ARHGAP25: variants seen among roughly 807,000 people sequenced by gnomAD.
ARHGAP25 encodes the protein Rho GTPase activating protein 25.
In ARHGAP25, 34 loss-of-function variants were observed where a neutral mutation model predicts 71.0. The ratio of observed to expected loss-of-function variants is 0.48; its 90% CI spans 0.36 to 0.64. The LOEUF (loss-of-function observed/expected upper bound fraction) is 0.64, where lower values mean the gene tolerates loss of function less well. ARHGAP25 is among the 30% of genes least tolerant of loss of function. The pLI is 0.00. For synonymous variants in ARHGAP25, 282 were observed against 296.5 expected (o/e 0.95, Z 0.50); for missense variants, 706 against 805.1 (o/e 0.88, Z 1.49).
chr2:68,801,752 T>C (rs186160011), intron 4 of ARHGAP25, among the ~76,000 whole-genome samples: 22 of 152,246 alleles, frequency 1.4e-4, no homozygotes, highest in Non-Finnish European at 3.2e-4. Flanking sequence ...TGAATCATCA[T>C]AAAATTACAT....
At chr2:68,804,980 G>A (rs1010993360) in intron 4 of ARHGAP25, among the ~76,000 whole-genome samples, 2 of 152,132 alleles carry the variant, frequency 1.3e-5, no homozygotes, top group Non-Finnish European at 2.9e-5. Context: ...CACAGAGTGC[G>A]GGAAGGATTG....
chr2:68,786,797 T>G (rs1273361822), intron 3 of ARHGAP25, among the ~76,000 whole-genome samples: 1 of 152,218 alleles, frequency 6.6e-6, no homozygotes, highest in Non-Finnish European at 1.5e-5. Context: ...TAGGCACAAC[T>G]ACTCAGCTAG....
chr2:68,756,545 G>C (rs1676492227), intron 1 of ARHGAP25, among the ~76,000 whole-genome samples: 1 of 152,218 alleles, frequency 6.6e-6, no homozygotes, highest in Admixed American at 6.5e-5. Context: ...TATGGGGTAA[G>C]TTGGAAAGAC....
intron 4 of ARHGAP25, among the ~76,000 whole-genome samples, chr2:68,803,020 G>T (rs548145937): frequency 8.6e-4 from 130 of 151,620 alleles, no homozygotes; most frequent in Middle Eastern, 6.8e-3. Flanking sequence ...TATATATATA[G>T]AGAGAGAGAT....
chr2:68,787,718 T>C (rs114218047), intron 3 of ARHGAP25, 122 bp from the exon 4 acceptor site: 10,362 of 764,050 alleles, frequency 0.014, 115 homozygotes, highest in South Asian at 0.026. Flanking sequence ...TGCATTTGTG[T>C]TGTTTGGCTG....
chr2:68,741,737 C>T (rs1317610234), intron 1 of ARHGAP25, among the ~76,000 whole-genome samples: 1 of 152,102 alleles, frequency 6.6e-6, no homozygotes, highest in Non-Finnish European at 1.5e-5. Flanking sequence ...AGTGACTGAG[C>T]ATTGCAATTT....
upstream of ARHGAP25, among the ~76,000 whole-genome samples, chr2:68,731,818 C>G (rs576663859): frequency 1.3e-5 from 2 of 151,658 alleles, no homozygotes; most frequent in East Asian, 1.9e-4. Context: ...ATATACACCC[C>G]CCCTAGCTCC....
chr2:68,822,570 T>C lies in ARHGAP25; in HGVS notation c.1431T>C (p.Ala477=), dbSNP rs61734445. 3,558 of 1,614,192 alleles carry C rather than the reference T, an allele frequency of 2.2e-3. 71 individuals are homozygous for C. In the African/African-American group the frequency reaches 0.043, roughly 20 times the overall value. The change falls in exon 10 of 11, where the codon GCT becomes GCC. Residue 477 remains alanine, a synonymous_variant. Transcript: ENST00000409202. ...KNEFWSPSSE[A]KAGEGHRRTM... ...AATTCTGGTCGCCTTCCTCAGAGGC[T>C]AAGGCAGGGGAAGGGCACAGGAGAA...
At chr2:68,786,084 T>C (rs1678740539) in intron 3 of ARHGAP25, among the ~76,000 whole-genome samples, 1 of 152,200 alleles carries the variant, frequency 6.6e-6, no homozygotes, top group Non-Finnish European at 1.5e-5. Flanking sequence ...TGGGACAACC[T>C]GATTTTCAAT....
At chr2:68,811,065 C>A (rs960095190) in intron 5 of ARHGAP25, among the ~76,000 whole-genome samples, 2 of 152,172 alleles carry the variant, frequency 1.3e-5, no homozygotes, top group Non-Finnish European at 2.9e-5. Context: ...TTGAATTATC[C>A]TTTACACTGT....
chr2:68,826,635 C>G lies in ARHGAP25; in HGVS notation c.*441C>G. ...GAAAATGACATTCATCTTTTGAGTC[C>G]TCATCCATGGAGTGCTGTGTTTGGG... On this transcript the variant is annotated 3_prime_UTR_variant, in exon 11 of 11. Transcript: ENST00000409202. The G allele has an allele frequency of 3.1e-6, 1 of 319,490 alleles. No individual in the cohort carries two copies. The highest frequency in any genetic ancestry group is 2.6e-5 in the South Asian group (1 of 38,278). 19.8% of individuals were successfully genotyped at this position (319,490 alleles called of 1,614,324 possible).
chr2:68,740,236 C>T (rs982008321), intron 1 of ARHGAP25, among the ~76,000 whole-genome samples: 15 of 152,174 alleles, frequency 9.9e-5, no homozygotes, highest in Admixed American at 2.0e-4. Flanking sequence ...CATTCACCTT[C>T]TTTAAGATCT....
chr2:68,748,078 A>G (rs1036504102), intron 1 of ARHGAP25, among the ~76,000 whole-genome samples: 2 of 152,104 alleles, frequency 1.3e-5, no homozygotes, highest in Admixed American at 1.3e-4. Context: ...CAAACTCATG[A>G]TCTATGCCCG....
intron 1 of ARHGAP25, among the ~76,000 whole-genome samples, chr2:68,746,337 G>A (rs903830422): frequency 5.9e-5 from 9 of 152,080 alleles, no homozygotes; most frequent in African/African-American, 2.2e-4. Context: ...GACAACAGGG[G>A]CCTCCATTGG....
At chr2:68,715,728 C>A (rs534968691) in intron 2 of ARHGAP25, among the ~76,000 whole-genome samples, 1 of 152,240 alleles carries the variant, frequency 6.6e-6, no homozygotes, top group East Asian at 1.9e-4. Context: ...CTACTGTGGA[C>A]TTCTTGTATG....
intron 4 of ARHGAP25, among the ~76,000 whole-genome samples, chr2:68,795,366 T>C (rs937479395): frequency 2.0e-5 from 3 of 152,178 alleles, no homozygotes; most frequent in Admixed American, 6.5e-5. Flanking sequence ...GTTAGGTTGT[T>C]AATTTGTACT....
In ARHGAP25 at chr2:68,816,426, A is replaced by G. The variant is rs1314052453; in HGVS notation, c.881+64A>G. On this transcript the variant is annotated intron_variant, in intron 7 of 10. Coordinates refer to ENST00000409202, the MANE Select transcript of ARHGAP25 (RefSeq NM_001007231.3). Reference sequence around the variant, plus strand: ...CCATCAGAAAGAAGCTCCTAGTTAGAAGAGGAGGGACCACGTCTGTGAACA... The same window carrying G: ...CCATCAGAAAGAAGCTCCTAGTTAGGAGAGGAGGGACCACGTCTGTGAACA... The G allele has an allele frequency of 6.0e-6, 8 of 1,339,920 alleles. No individual in the cohort carries two copies. The East Asian group carries it at 1.4e-4, about 23-fold the overall frequency. The allele number at this position is 1,339,920 out of a possible 1,614,324, so 83.0% of individuals were successfully genotyped here. A position where few individuals can be genotyped will look rare whatever the true frequency, so the allele number is the denominator to read the frequency against.
intron 4 of ARHGAP25, among the ~76,000 whole-genome samples, chr2:68,789,201 C>A (rs886303149): frequency 6.6e-6 from 1 of 151,854 alleles, no homozygotes; most frequent in Non-Finnish European, 1.5e-5. Context: ...CCTGGCTAAT[C>A]TTTTTTTGTA....
chr2:68,746,900 C>T lies in ARHGAP25; in HGVS notation c.61+11640C>T, dbSNP rs142266888. Among the ~76,000 whole-genome samples, 170 of 150,128 alleles carry T rather than the reference C, an allele frequency of 1.1e-3. 6 individuals carry two copies. In the East Asian group the frequency reaches 0.024, roughly 21 times the overall value. On this transcript the variant is annotated intron_variant, in intron 1 of 10. Coordinates refer to ENST00000409202, the MANE Select transcript of ARHGAP25 (RefSeq NM_001007231.3). Reference sequence around the variant, plus strand: ...ACGCACGCCTGTAATCCCACCTACTCGGGAGGCTGAGGCAGGAGAATCGCT... The same window carrying T: ...ACGCACGCCTGTAATCCCACCTACTTGGGAGGCTGAGGCAGGAGAATCGCT...
Sources: gnomAD v4.1 joint callset for allele counts (sites outside exome capture counted in the v4.1 genomes callset) on GRCh38, gnomAD v4.1.1 for gene constraint, MANE v1.5 for transcripts, NCBI Gene and HGNC (gene_info 2026-07-23, HGNC 2026-07-21) for gene names.